DCN: variants seen among roughly 807,000 people sequenced by gnomAD.
The protein encoded by DCN is decorin, also known as bone proteoglycan II.
Under a neutral mutation model 36.5 loss-of-function variants are expected in DCN, and 17 were observed. The ratio of observed to expected loss-of-function variants is 0.47; its 90% CI spans 0.32 to 0.70. DCN has a LOEUF of 0.70. DCN is among the 30% of genes least tolerant of loss of function. The probability of loss-of-function intolerance (pLI) is 0.04; values close to 1 mark genes in which losing one functional copy is unlikely to be tolerated. For synonymous variants in DCN, 163 were observed against 161.4 expected (o/e 1.01, Z -0.07); for missense variants, 389 against 430.1 (o/e 0.90, Z 0.84).
At chr12:91,180,327 A>C (rs1329185736) in intron 1 of DCN, 3 of 151,700 alleles carry the variant, frequency 2.0e-5, no homozygotes, top group Non-Finnish European at 4.4e-5. Context: ...GAAAGAAAGA[A>C]GGAAGAAAGA....
In DCN at chr12:91,143,031, T is replaced by C. The variant is rs1487780319; in HGVS notation, c.*3027A>G. The C allele has an allele frequency of 6.6e-6, 1 of 152,082 alleles. No homozygotes were observed. The highest frequency in any genetic ancestry group is 1.9e-4 in the East Asian group (1 of 5,188). The allele number at this position is 152,082 out of a possible 1,614,324, so 9.4% of individuals were successfully genotyped here. A position where few individuals can be genotyped will look rare whatever the true frequency, so the allele number is the denominator to read the frequency against. ...AATTAGGGTGAGCCTTAATCCAATATAACTCATGTTCATAGAAGAAGAAGA... is the reference window on the plus strand; with the variant it reads ...AATTAGGGTGAGCCTTAATCCAATACAACTCATGTTCATAGAAGAAGAAGA... On this transcript the variant is annotated 3_prime_UTR_variant, in exon 8 of 8. Transcript: ENST00000052754.
In DCN at chr12:91,142,071, G is replaced by A. The variant is rs1565766784; in HGVS notation, c.*3987C>T. On this transcript the variant is annotated 3_prime_UTR_variant, in exon 8 of 8. Coordinates refer to ENST00000052754, the MANE Select transcript of DCN (RefSeq NM_001920.5). ...CTTTGTGGTGTGAAATTGACAGTCTGTCACAGACCTGTGATTTGAAATAAT... is the reference window on the plus strand; with the variant it reads ...CTTTGTGGTGTGAAATTGACAGTCTATCACAGACCTGTGATTTGAAATAAT... 6.6e-6 allele frequency: 1 copy of A among 152,174 alleles called. No homozygotes were observed. The highest frequency in any genetic ancestry group is 6.5e-5 in the Admixed American group (1 of 15,270). 9.4% of individuals were successfully genotyped at this position (152,174 alleles called of 1,614,324 possible). A position where few individuals can be genotyped will look rare whatever the true frequency, so the allele number is the denominator to read the frequency against.
At position 91,158,347 on chromosome 12, in the gene DCN, T is replaced by C. The variant is rs989333042; in HGVS notation, c.487A>G (p.Thr163Ala). Reference protein sequence around the residue: ...QELRAHENEITKVRKVTFNGL... With the variant: ...QELRAHENEIAKVRKVTFNGL... Reference sequence around the variant, plus strand: ...TTGAAAGTAACTTTTCGCACTTTGGTGATCTCATTCTCATGGGCACGCAGC... The same window carrying C: ...TTGAAAGTAACTTTTCGCACTTTGGCGATCTCATTCTCATGGGCACGCAGC... Residue 163 changes from threonine (T) to alanine (A), a missense_variant, in exon 4 of 8, where the codon ACC (threonine) becomes GCC (alanine). By Grantham distance (58) the Thr-to-Ala change is moderately conservative. Transcript: ENST00000052754. The C allele has an allele frequency of 6.2e-7, 1 of 1,613,980 alleles. No individual in the cohort carries two copies. The highest frequency in any genetic ancestry group is 8.5e-7 in the Non-Finnish European group (1 of 1,179,804).
rs1881829452 is a variant in DCN at position 91,157,100 on chromosome 12, A to C, written c.627T>G (p.Asp209Glu). The C allele has an allele frequency of 1.2e-6, 2 of 1,609,384 alleles. No homozygotes were observed. The highest frequency in any genetic ancestry group is 4.5e-5 in the East Asian group (2 of 44,834). ...CTTGAGGAATGCTGGTGATATTGGT[A>C]TCAGCAATGCGGATGTAGGAGAGCT... ...MKKLSYIRIA[D>E]TNITSIPQGL... Residue 209 changes from aspartate to glutamate, a missense_variant, in exon 5 of 8, where the codon GAT (aspartate) becomes GAG (glutamate). Asp to Glu is a conservative substitution (Grantham distance 45). Coordinates refer to ENST00000052754, the MANE Select transcript of DCN (RefSeq NM_001920.5).
rs181469436 is a variant in DCN, at chr12:91,143,739, G to A, written c.*2319C>T. 80 of 150,780 alleles carry A rather than the reference G, an allele frequency of 5.3e-4. 1 individual carries two copies. Among genetic ancestry groups the A allele is most frequent in the Admixed American group, 4.6e-3 (70 of 15,092 alleles). 9.3% of individuals were successfully genotyped at this position (150,780 alleles called of 1,614,324 possible). A position where few individuals can be genotyped will look rare whatever the true frequency, so the allele number is the denominator to read the frequency against. ...CTTAGTCATGCAAATAGTAAGTGTC[G>A]AAGCCAAAGAAATCAGCTATATTTA... On this transcript the variant is annotated 3_prime_UTR_variant, in exon 8 of 8. Transcript: ENST00000052754.
chr12:91,147,008 C>CT (rs1029657488), intron 7 of DCN, among the ~76,000 whole-genome samples: 7 of 152,130 alleles, frequency 4.6e-5, no homozygotes, highest in Non-Finnish European at 8.8e-5. Context: ...AAATTTTATT[C>CT]TTTTTTTAAG....
Position 91,144,978 on chromosome 12 carries a change from A to G in DCN, c.*1080T>C, listed in dbSNP as rs1880922032. ...TATTTCAATTATTTTTTCCCATATG[A>G]AACTATGATTTATAGGGGTTTTAAC... On this transcript the variant is annotated 3_prime_UTR_variant, in exon 8 of 8. Coordinates refer to ENST00000052754, the MANE Select transcript of DCN (RefSeq NM_001920.5). 1 of 152,216 alleles carries G rather than the reference A, an allele frequency of 6.6e-6. No individual in the cohort carries two copies. The allele number at this position is 152,216 out of a possible 1,614,324, so 9.4% of individuals were successfully genotyped here.
rs1315932721 is a variant in DCN, at chr12:91,164,721, G to A, written c.212-4C>T. On this transcript the variant is annotated splice_polypyrimidine_tract_variant and splice_region_variant and intron_variant, in intron 2 of 7. Coordinates refer to ENST00000052754, the MANE Select transcript of DCN (RefSeq NM_001920.5). ...TCCTTTGGCACTTTGTCCAGACCTA[G>A]CATAAGAGTAATAGGAGTGTGCTGT... is the stretch of plus-strand genomic sequence containing the variant. 2.0e-6 allele frequency: 3 copies of A among 1,495,258 alleles called. No individual in the cohort carries two copies. Among genetic ancestry groups the A allele is most frequent in the Non-Finnish European group, 2.8e-6 (3 of 1,071,564 alleles). The allele number at this position is 1,495,258 out of a possible 1,614,324, so 92.6% of individuals were successfully genotyped here. A position where few individuals can be genotyped will look rare whatever the true frequency, so the allele number is the denominator to read the frequency against.
At chr12:91,146,908 C>T (rs1432188000) in intron 7 of DCN, among the ~76,000 whole-genome samples, 1 of 152,198 alleles carries the variant, frequency 6.6e-6, no homozygotes, top group Non-Finnish European at 1.5e-5. Flanking sequence ...TCCACCTCTA[C>T]TCCGACAACC....
At chr12:91,169,037 C>A (rs1446279993) in intron 2 of DCN, among the ~76,000 whole-genome samples, 1 of 152,132 alleles carries the variant, frequency 6.6e-6, no homozygotes, top group African/African-American at 2.4e-5. Flanking sequence ...AATCCTGAAT[C>A]TGATTAATCC....
At chr12:91,169,362 C>G (rs1882784445) in intron 2 of DCN, among the ~76,000 whole-genome samples, 1 of 92,560 alleles carries the variant, frequency 1.1e-5, no homozygotes, top group Admixed American at 1.9e-4. Flanking sequence ...GCCTAGGCAA[C>G]AGGGGGAGAT....
At chr12:91,175,735 T>C (rs897279977) in intron 2 of DCN, 2 of 152,092 alleles carry the variant, frequency 1.3e-5, no homozygotes, top group African/African-American at 4.8e-5. Context: ...GCATTAACAT[T>C]TGCCATCCCC....
chr12:91,155,738 A>C (rs3138251), intron 5 of DCN, among the ~76,000 whole-genome samples: 7,824 of 152,198 alleles, frequency 0.051, 682 homozygotes, highest in African/African-American at 0.18. Flanking sequence ...TTACATGCAA[A>C]AAATTGGAGA....
At chr12:91,156,417 T>C (rs1034197095) in intron 5 of DCN, among the ~76,000 whole-genome samples, 1 of 152,238 alleles carries the variant, frequency 6.6e-6, no homozygotes, top group Non-Finnish European at 1.5e-5. Flanking sequence ...TTTATTTAAC[T>C]TTAAAACAAC....
chr12:91,167,336 A>G lies in DCN; in HGVS notation c.212-2619T>C, dbSNP rs1042008130. Among the ~76,000 whole-genome samples the G allele has an allele frequency of 3.3e-5, 5 of 152,092 alleles. No homozygotes were observed. In the East Asian group the frequency reaches 7.7e-4, roughly 23 times the overall value. On this transcript the variant is annotated intron_variant, in intron 2 of 7. Transcript: ENST00000052754. ...AGGGTCCTTAAATATCAGCTAATCTATGGTTCCCAAATGCTGATTAGGTAG... is the reference window on the plus strand; with the variant it reads ...AGGGTCCTTAAATATCAGCTAATCTGTGGTTCCCAAATGCTGATTAGGTAG...
chr12:91,172,686 G>C (rs978063360), intron 2 of DCN: 9 of 675,238 alleles, frequency 1.3e-5, no homozygotes, highest in African/African-American at 1.3e-4. Context: ...CCTTCTCTTT[G>C]CAGCTTGCTA....
Position 91,172,834 on chromosome 12 carries a change from G to T in DCN, c.211+5508C>A, listed in dbSNP as rs1178676004. On this transcript the variant is annotated intron_variant, in intron 2 of 7. Transcript: ENST00000052754. The stretch of plus-strand genomic sequence containing the variant: ...GTATAAGGCAGTTTGTTGTGTAGAG[G>T]TTGTACGAAGATAAATTATTGCAAT... 8.6e-5 allele frequency: 57 copies of T among 662,798 alleles called. No homozygotes were observed. The East Asian group carries it at 1.5e-3, about 17-fold the overall frequency. The allele number at this position is 662,798 out of a possible 1,614,324, so 41.1% of individuals were successfully genotyped here.
At position 91,142,844 on chromosome 12, in the gene DCN, A is replaced by G. The variant is rs1880795228; in HGVS notation, c.*3214T>C. Reference sequence around the variant, plus strand: ...CAACAGTTTTAATGAAAACAAAAAAATTAAACATTTAATAAGGAAAAAAGA... The same window carrying G: ...CAACAGTTTTAATGAAAACAAAAAAGTTAAACATTTAATAAGGAAAAAAGA... On this transcript the variant is annotated 3_prime_UTR_variant, in exon 8 of 8. Transcript: ENST00000052754. 2 of 152,212 alleles carry G rather than the reference A, an allele frequency of 1.3e-5. No individual in the cohort carries two copies. The highest frequency in any genetic ancestry group is 2.9e-5 in the Non-Finnish European group (2 of 68,036). The allele number at this position is 152,212 out of a possible 1,614,324, so 9.4% of individuals were successfully genotyped here. A position where few individuals can be genotyped will look rare whatever the true frequency, so the allele number is the denominator to read the frequency against.
At chr12:91,158,775 A>T (rs1207827299) in intron 3 of DCN, among the ~76,000 whole-genome samples, 1 of 152,190 alleles carries the variant, frequency 6.6e-6, no homozygotes, top group Non-Finnish European at 1.5e-5. Flanking sequence ...AAGCCTGGCC[A>T]GCATGGCGAA....
Sources: gnomAD v4.1 joint callset for allele counts (sites outside exome capture counted in the v4.1 genomes callset) on GRCh38, gnomAD v4.1.1 for gene constraint, MANE v1.5 for transcripts, NCBI Gene and HGNC (gene_info 2026-07-23, HGNC 2026-07-21) for gene names.